ODAD2: variants seen among roughly 807,000 people sequenced by gnomAD.
The protein encoded by ODAD2 is outer dynein arm docking complex subunit 2.
Under a neutral mutation model 106.8 loss-of-function variants are expected in ODAD2, and 89 were observed. The observed-to-expected ratio is 0.83, with a 90% CI of 0.70 to 0.99. The LOEUF is 0.99. Ranked by LOEUF, ODAD2 falls within the 50% of genes least tolerant of loss-of-function variation. The probability of loss-of-function intolerance (pLI) is 0.00; values close to 1 mark genes in which losing one functional copy is unlikely to be tolerated. For missense variants in ODAD2, 1,168 were observed against 1,238.5 expected (o/e 0.94, Z 0.85); for synonymous variants, 404 against 436.2 (o/e 0.93, Z 0.92).
chr10:27,837,383 C>T (rs964323910), intron 19 of ODAD2, among the ~76,000 whole-genome samples: 12 of 152,160 alleles, frequency 7.9e-5, no homozygotes, highest in African/African-American at 2.7e-4. Context: ...ATCAGGTTGA[C>T]GTTCTGGCAA....
At chr10:27,975,836 A>C (rs1235921154) in intron 7 of ODAD2, among the ~76,000 whole-genome samples, 1 of 152,072 alleles carries the variant, frequency 6.6e-6, no homozygotes, top group East Asian at 1.9e-4. Flanking sequence ...CCAAAACCAG[A>C]CAAAGATACT....
rs192758850 is a variant in ODAD2, at chr10:27,921,891, G to A, written c.2495+13119C>T. Among the ~76,000 whole-genome samples, 155 of 150,786 alleles carry A rather than the reference G, an allele frequency of 1.0e-3. 1 individual carries two copies. The highest frequency in any genetic ancestry group is 1.0e-3 in the South Asian group (5 of 4,788). On this transcript the variant is annotated intron_variant, in intron 16 of 19. Transcript: ENST00000305242. ...TTGGGAATCAAGAACTTTAGGCCGG[G>A]CGCCTTGGCTCATGCCTGTAATCCC...
chr10:27,847,511 C>T (rs1838870704), intron 19 of ODAD2, among the ~76,000 whole-genome samples: 1 of 152,110 alleles, frequency 6.6e-6, no homozygotes, highest in South Asian at 2.1e-4. Flanking sequence ...AAAACTGGCA[C>T]AAGACAGGGA....
At chr10:27,847,949 A>G (rs1282581162) in intron 19 of ODAD2, among the ~76,000 whole-genome samples, 1 of 152,254 alleles carries the variant, frequency 6.6e-6, no homozygotes, top group African/African-American at 2.4e-5. Flanking sequence ...AGAACATCCC[A>G]TGCTCTTGGA....
intron 17 of ODAD2, among the ~76,000 whole-genome samples, chr10:27,878,934 C>T (rs1043446500): frequency 6.6e-6 from 1 of 151,956 alleles, no homozygotes; most frequent in Admixed American, 6.6e-5. Context: ...ATTAGAATAT[C>T]AATTATTACC....
Position 27,944,977 on chromosome 10 carries a change from T to C in ODAD2, c.1387-15A>G. ...TGATTTCCTCCCTACAAAGATGCAA[T>C]GCCAGAGAAAGGTTAAGGAACACCG... On this transcript the variant is annotated splice_polypyrimidine_tract_variant and intron_variant, in intron 10 of 19. Transcript: ENST00000305242. 7 of 1,613,690 alleles carry C rather than the reference T, an allele frequency of 4.3e-6. No individual in the cohort carries two copies. Among genetic ancestry groups the C allele is most frequent in the Non-Finnish European group, 5.1e-6 (6 of 1,179,712 alleles).
intron 16 of ODAD2, among the ~76,000 whole-genome samples, chr10:27,928,820 G>T (rs556843325): frequency 1.3e-4 from 20 of 151,962 alleles, no homozygotes; most frequent in Non-Finnish European, 2.5e-4. Context: ...TTTACACACA[G>T]CACTTATTAT....
At chr10:27,986,147 G>C (rs1482589746) in intron 3 of ODAD2, among the ~76,000 whole-genome samples, 1 of 152,138 alleles carries the variant, frequency 6.6e-6, no homozygotes, top group Non-Finnish European at 1.5e-5. Context: ...TTCACTGGGG[G>C]AGAGGAGAGC....
chr10:27,878,134 A>T (rs940656634), intron 17 of ODAD2, among the ~76,000 whole-genome samples: 1 of 152,220 alleles, frequency 6.6e-6, no homozygotes, highest in Non-Finnish European at 1.5e-5. Flanking sequence ...TATTTTACCA[A>T]GATCATTCCC....
intron 14 of ODAD2, 76 bp downstream of exon 14, chr10:27,939,821 G>A: frequency 2.7e-6 from 2 of 740,254 alleles, no homozygotes; most frequent in Non-Finnish European, 4.2e-6. Context: ...CTCACAGAAG[G>A]AAACCACATG....
chr10:27,878,545 C>A (rs1841498634), intron 17 of ODAD2, among the ~76,000 whole-genome samples: 1 of 152,008 alleles, frequency 6.6e-6, no homozygotes, highest in Non-Finnish European at 1.5e-5. Context: ...AAATTTTTAA[C>A]CAGAAGAGCT....
At chr10:27,869,109 T>C (rs938076260) in intron 17 of ODAD2, among the ~76,000 whole-genome samples, 1 of 151,952 alleles carries the variant, frequency 6.6e-6, no homozygotes, top group Non-Finnish European at 1.5e-5. Context: ...AAGATATCTA[T>C]AAAGAATTAG....
At chr10:27,961,403 C>T (rs535803134) in intron 10 of ODAD2, among the ~76,000 whole-genome samples, 165 bp downstream of exon 10, 4 of 152,280 alleles carry the variant, frequency 2.6e-5, no homozygotes, top group African/African-American at 9.6e-5. Flanking sequence ...ATCTTGCATC[C>T]TCAGGGTAAT....
chr10:27,847,264 T>C (rs1838847954), intron 19 of ODAD2, among the ~76,000 whole-genome samples: 1 of 152,208 alleles, frequency 6.6e-6, no homozygotes, highest in Admixed American at 6.5e-5. Flanking sequence ...CAAGGCTTGT[T>C]CAACATACGC....
intron 16 of ODAD2, among the ~76,000 whole-genome samples, chr10:27,923,204 A>C (rs1223884025): frequency 6.6e-6 from 1 of 152,184 alleles, no homozygotes; most frequent in African/African-American, 2.4e-5. Context: ...TAAAACAAAA[A>C]CTATGTTTAA....
At chr10:27,836,838 T>C (rs1037297846) in intron 19 of ODAD2, among the ~76,000 whole-genome samples, 1 of 152,174 alleles carries the variant, frequency 6.6e-6, no homozygotes, top group Non-Finnish European at 1.5e-5. Context: ...TGAATAATTA[T>C]CAGAGCAAAA....
intron 16 of ODAD2, among the ~76,000 whole-genome samples, chr10:27,918,657 C>T (rs971633441): frequency 6.6e-6 from 1 of 151,784 alleles, no homozygotes; most frequent in Admixed American, 6.6e-5. Context: ...TATGTTTGCA[C>T]TCATTTGATT....
At position 27,935,043 on chromosome 10, in the gene ODAD2, AC is replaced by A; in HGVS notation, c.2461del (p.Val821LeufsTer6). On this transcript the variant is annotated frameshift_variant, in exon 16 of 20. Coordinates refer to ENST00000305242, the MANE Select transcript of ODAD2 (RefSeq NM_018076.5). LOFTEE classifies it high-confidence loss of function. ...QALLVNVTKAVGACAVEPESM... is the reference protein window; with the variant it reads ...QALLVNVTKAXGACAVEPESM... ...TTCAGGTTCTACTGCACAAGCACCA[AC>A]TGCTTTTGTAACATTCACAAGAAGA... is the stretch of plus-strand genomic sequence containing the variant. The A allele has an allele frequency of 6.2e-7, 1 of 1,613,996 alleles. No individual in the cohort carries two copies. The highest frequency in any genetic ancestry group is 8.5e-7 in the Non-Finnish European group (1 of 1,179,876).
intron 19 of ODAD2, among the ~76,000 whole-genome samples, chr10:27,852,815 G>C (rs1272454426): frequency 2.0e-5 from 3 of 152,000 alleles, no homozygotes; most frequent in Non-Finnish European, 4.4e-5. Context: ...ACAAAAAGTA[G>C]TCAGGCATGG....
Sources: allele counts gnomAD v4.1 joint callset (sites outside exome capture counted in the v4.1 genomes callset), GRCh38; gene constraint gnomAD v4.1.1; transcripts MANE v1.5; gene names NCBI Gene and HGNC (gene_info 2026-07-23, HGNC 2026-07-21).